Variants in MARCHF3 observed in about 807,000 individuals in gnomAD.
The protein encoded by MARCHF3 is membrane associated ring-CH-type finger 3, also known as E3 ubiquitin-protein ligase MARCHF3.
MARCHF3 carries 13 observed loss-of-function variants against 24.2 expected under a neutral mutation model. The observed-to-expected ratio is 0.54, with a 90% confidence interval of 0.35 to 0.85. The LOEUF (loss-of-function observed/expected upper bound fraction) is 0.85, where lower values mean the gene tolerates loss of function less well. Ranked by LOEUF, MARCHF3 falls within the 40% of genes least tolerant of loss-of-function variation. The pLI, the probability that MARCHF3 is intolerant of heterozygous loss-of-function variation, is 0.01. For synonymous variants in MARCHF3, 144 were observed against 137.3 expected (o/e 1.05, Z -0.34); for missense variants, 276 against 325.0 (o/e 0.85, Z 1.16).
rs374808770 is a variant in MARCHF3 at position 127,026,276 on chromosome 5, C to G, written c.-57+4074G>C. Among the ~76,000 whole-genome samples, 118 of 152,180 alleles carry G rather than the reference C, an allele frequency of 7.8e-4. 1 individual carries two copies. In the South Asian group the frequency reaches 0.024, roughly 32 times the overall value. On this transcript the variant is annotated intron_variant, in intron 1 of 4. Coordinates refer to ENST00000308660, the MANE Select transcript of MARCHF3 (RefSeq NM_178450.5). ...GGCTTTTCCATTTTTCTAAGTCTAT[C>G]CAATCACACAGAAGCTAGGCAAATA...
intron 1 of MARCHF3, chr5:127,030,024 G>C (rs1753126630): frequency 6.6e-6 from 1 of 152,222 alleles, no homozygotes; most frequent in African/African-American, 2.4e-5. Flanking sequence ...ACCGCGGTCC[G>C]CACGCCGCGG....
intron 1 of MARCHF3, among the ~76,000 whole-genome samples, chr5:126,951,158 T>C (rs1221632940): frequency 6.6e-6 from 1 of 152,226 alleles, no homozygotes; most frequent in Non-Finnish European, 1.5e-5. Flanking sequence ...ATCTCATTGT[T>C]TTCTCTTTCT....
In MARCHF3 at chr5:126,867,809, G is replaced by C. The variant is rs1253281398; in HGVS notation, c.*2824C>G. 1 of 152,154 alleles carries C rather than the reference G, an allele frequency of 6.6e-6. No homozygotes were observed. The allele number at this position is 152,154 out of a possible 1,614,324, so 9.4% of individuals were successfully genotyped here. ...TCTGAGGAGCTGTAGAATTTGTGTC[G>C]ATGCTCTGTGTCCTCCGTCCTTCCC... On this transcript the variant is annotated 3_prime_UTR_variant, in exon 5 of 5. Transcript: ENST00000308660.
At chr5:127,022,658 G>C (rs191495418) in intron 1 of MARCHF3, among the ~76,000 whole-genome samples, 1 of 152,222 alleles carries the variant, frequency 6.6e-6, no homozygotes, top group East Asian at 1.9e-4. Flanking sequence ...CCCAACCCCC[G>C]GATCCAAAGG....
intron 3 of MARCHF3, among the ~76,000 whole-genome samples, chr5:126,912,915 T>C (rs533359673): frequency 3.4e-4 from 52 of 152,376 alleles, no homozygotes; most frequent in Middle Eastern, 3.4e-3. Context: ...ATTTCATCAC[T>C]GGTGACCGTT....
At chr5:126,923,853 T>C (rs1749208536) in intron 1 of MARCHF3, among the ~76,000 whole-genome samples, 1 of 152,196 alleles carries the variant, frequency 6.6e-6, no homozygotes, top group Admixed American at 6.5e-5. Flanking sequence ...CAATATGTCC[T>C]AGAAGGATCC....
chr5:127,018,906 C>T (rs1026276276), intron 1 of MARCHF3, among the ~76,000 whole-genome samples: 1 of 152,044 alleles, frequency 6.6e-6, no homozygotes, highest in African/African-American at 2.4e-5. Flanking sequence ...CAAAAGGGTA[C>T]TCAATAAATA....
At position 126,990,668 on chromosome 5, in the gene MARCHF3, C is replaced by T. The variant is rs1320543635; in HGVS notation, c.-57+39682G>A. 5.3e-5 allele frequency among the ~76,000 whole-genome samples: 8 copies of T among 152,180 alleles called. No homozygotes were observed. In the South Asian group the frequency reaches 1.7e-3, roughly 32 times the overall value. On this transcript the variant is annotated intron_variant, in intron 1 of 4. Coordinates refer to ENST00000308660, the MANE Select transcript of MARCHF3 (RefSeq NM_178450.5). ...ATCCATCTGACAAAGGGCTAATATC[C>T]AGAATCTACAAAGAACTTAGACAAA...
intron 1 of MARCHF3, among the ~76,000 whole-genome samples, chr5:127,024,620 G>T (rs964172473): frequency 1.3e-5 from 2 of 152,162 alleles, no homozygotes; most frequent in Non-Finnish European, 2.9e-5. Flanking sequence ...ACTTTCATTC[G>T]TAAAGATTAC....
At chr5:126,896,756 G>A (rs1753934131) in intron 3 of MARCHF3, among the ~76,000 whole-genome samples, 4 of 152,040 alleles carry the variant, frequency 2.6e-5, no homozygotes, top group Admixed American at 2.6e-4. Context: ...GGCATTTTAA[G>A]GGTTCAAGAG....
intron 1 of MARCHF3, among the ~76,000 whole-genome samples, chr5:126,921,584 C>A (rs775099057): frequency 1.3e-5 from 2 of 152,202 alleles, no homozygotes; most frequent in Admixed American, 1.3e-4. Flanking sequence ...GGTTTGCAGT[C>A]GAGCATGGGT....
At chr5:127,013,200 A>T (rs1752525316) in intron 1 of MARCHF3, among the ~76,000 whole-genome samples, 1 of 152,208 alleles carries the variant, frequency 6.6e-6, no homozygotes, top group Non-Finnish European at 1.5e-5. Context: ...GAAATATTCC[A>T]GCAATGTGTG....
intron 1 of MARCHF3, among the ~76,000 whole-genome samples, chr5:126,929,353 A>G (rs913176629): frequency 6.6e-6 from 1 of 152,220 alleles, no homozygotes; most frequent in Non-Finnish European, 1.5e-5. Flanking sequence ...TCAGATGGCA[A>G]GTAATGTATG....
intron 1 of MARCHF3, among the ~76,000 whole-genome samples, chr5:127,005,526 G>A (rs1478037223): frequency 1.3e-5 from 2 of 152,042 alleles, no homozygotes; most frequent in Admixed American, 1.3e-4. Flanking sequence ...CTCATCCAGG[G>A]GGTTTTATCA....
Position 126,928,925 on chromosome 5 carries a change from C to A in MARCHF3, c.-56-10698G>T, listed in dbSNP as rs188923682. Reference sequence around the variant, plus strand: ...AAAAATATGAACATTTCTCATATAACCACACAGCCATTATTTTATCTAACA... The same window carrying A: ...AAAAATATGAACATTTCTCATATAAACACACAGCCATTATTTTATCTAACA... On this transcript the variant is annotated intron_variant, in intron 1 of 4. Coordinates refer to ENST00000308660, the MANE Select transcript of MARCHF3 (RefSeq NM_178450.5). 5.5e-4 allele frequency among the ~76,000 whole-genome samples: 84 copies of A among 152,278 alleles called. 1 individual carries two copies. Among genetic ancestry groups the A allele is most frequent in the Non-Finnish European group, 1.0e-3 (70 of 68,020 alleles).
intron 3 of MARCHF3, among the ~76,000 whole-genome samples, chr5:126,885,991 T>C (rs1753498723): frequency 8.2e-6 from 1 of 121,678 alleles, no homozygotes; most frequent in Non-Finnish European, 1.6e-5. Flanking sequence ...AATTACTATG[T>C]ATATATATAT....
At chr5:126,925,617 G>A (rs577306375) in intron 1 of MARCHF3, among the ~76,000 whole-genome samples, 2 of 152,296 alleles carry the variant, frequency 1.3e-5, no homozygotes, top group African/African-American at 4.8e-5. Context: ...AATGCTATGT[G>A]TTCAAAGACA....
chr5:126,932,062 C>T (rs922734459), intron 1 of MARCHF3, among the ~76,000 whole-genome samples: 3 of 152,250 alleles, frequency 2.0e-5, no homozygotes, highest in African/African-American at 7.2e-5. Flanking sequence ...GCTTAGCACA[C>T]AGCAAACACC....
chr5:126,891,938 A>G (rs1370308084), intron 3 of MARCHF3, among the ~76,000 whole-genome samples: 16 of 147,142 alleles, frequency 1.1e-4, no homozygotes, highest in African/African-American at 4.0e-4. Context: ...ATGTTCTTCC[A>G]TTTGTTTGTA....
Sources: gnomAD v4.1 joint callset for allele counts (sites outside exome capture counted in the v4.1 genomes callset) on GRCh38, gnomAD v4.1.1 for gene constraint, MANE v1.5 for transcripts, NCBI Gene and HGNC (gene_info 2026-07-23, HGNC 2026-07-21) for gene names.